Variants in PABPC1 observed in about 807,000 individuals in gnomAD.
The protein encoded by PABPC1 is polyadenylate-binding protein 1.
PABPC1 carries 4 observed loss-of-function variants against 74.0 expected under a neutral mutation model. The ratio of observed to expected loss-of-function variants is 0.05; its 90% confidence interval spans 0.03 to 0.12. PABPC1 has a LOEUF of 0.12. Among genes scored for constraint, PABPC1 ranks in the 10% least tolerant of loss-of-function variants. The pLI, the probability that PABPC1 is intolerant of heterozygous loss-of-function variation, is 1.00. For missense variants in PABPC1, 271 were observed against 821.1 expected (o/e 0.33, Z 8.19); for synonymous variants, 227 against 264.1 (o/e 0.86, Z 1.36).
At chr8:100,717,159 C>T (rs1012720578) in intron 3 of PABPC1, among the ~76,000 whole-genome samples, 15 of 152,090 alleles carry the variant, frequency 9.9e-5, no homozygotes, top group South Asian at 4.2e-4. Context: ...TACAGGCATG[C>T]GCCACCATGC....
At position 100,721,847 on chromosome 8, in the gene PABPC1, G is replaced by A. The variant is rs1810842708; in HGVS notation, c.-264C>T. The A allele has an allele frequency of 2.8e-6, 1 of 357,728 alleles. No homozygotes were observed. Among genetic ancestry groups the A allele is most frequent in the East Asian group, 4.1e-5 (1 of 24,156 alleles). 22.2% of individuals were successfully genotyped at this position (357,728 alleles called of 1,614,324 possible). A position where few individuals can be genotyped will look rare whatever the true frequency, so the allele number is the denominator to read the frequency against. ...GGCCTCGGTCTCTTGGTTCCTTCTT[G>A]GAGCTGCTGCGGGGCCGCGGGCGGG... On this transcript the variant is annotated 5_prime_UTR_variant, in exon 1 of 15. Transcript: ENST00000318607. This position sits in a 1 kb window ranked among gnomAD's most constrained non-coding sequence, Gnocchi z 7.4.
intron 13 of PABPC1, among the ~76,000 whole-genome samples, 198 bp from the exon 14 acceptor site, chr8:100,704,588 G>C (rs1810332817): frequency 6.6e-6 from 1 of 152,148 alleles, no homozygotes; most frequent in Non-Finnish European, 1.5e-5. Flanking sequence ...TCGCTCCCCT[G>C]CACTACTCTT....
intron 5 of PABPC1, 21 bp from the exon 6 acceptor site, chr8:100,712,810 A>AAG: frequency 1.9e-6 from 3 of 1,540,122 alleles, no homozygotes; most frequent in Non-Finnish European, 2.6e-6. Flanking sequence ...AAAAAAAAGA[A>AAG]AAAAAAAAAA....
In PABPC1 at chr8:100,715,752, A is replaced by T. The variant is rs554357471; in HGVS notation, c.504-151T>A. Reference sequence around the variant, plus strand: ...CAAAATAGAAATAGGGCCATAATTTAAGATATGACACCATGAAATATATGA... The same window carrying T: ...CAAAATAGAAATAGGGCCATAATTTTAGATATGACACCATGAAATATATGA... On this transcript the variant is annotated intron_variant, in intron 3 of 14. Coordinates refer to ENST00000318607, the MANE Select transcript of PABPC1 (RefSeq NM_002568.4). 1.3e-5 allele frequency: 7 copies of T among 528,068 alleles called. No individual in the cohort carries two copies. The East Asian group carries it at 2.0e-4, about 15-fold the overall frequency. The allele number at this position is 528,068 out of a possible 1,614,324, so 32.7% of individuals were successfully genotyped here.
At position 100,712,588 on chromosome 8, in the gene PABPC1, G is replaced by A. The variant is rs3737370; in HGVS notation, c.876+64C>T. On this transcript the variant is annotated intron_variant, in intron 6 of 14. Coordinates refer to ENST00000318607, the MANE Select transcript of PABPC1 (RefSeq NM_002568.4). ...ACCCTCCAGCTACCTGGAAGTAACT[G>A]AAATCAACGTAAAATAGGTTTCCTC... is the stretch of plus-strand genomic sequence containing the variant. The A allele has an allele frequency of 3.0e-3, 4,633 of 1,561,192 alleles. 185 individuals are homozygous for A. The East Asian group carries it at 0.093, about 31-fold the overall frequency.
intron 9 of PABPC1, among the ~76,000 whole-genome samples, chr8:100,708,304 A>C (rs1051121299): frequency 6.6e-6 from 1 of 152,172 alleles, no homozygotes; most frequent in Admixed American, 6.5e-5. Flanking sequence ...AAAATTTAAA[A>C]AATTAGCTGG....
intron 4 of PABPC1, 49 bp downstream of exon 4, chr8:100,715,413 A>G: frequency 6.7e-7 from 1 of 1,487,968 alleles, no homozygotes; most frequent in Non-Finnish European, 9.1e-7. Context: ...ATTAACACTG[A>G]GCACTAATTC....
At position 100,712,709 on chromosome 8, in the gene PABPC1, C is replaced by A; in HGVS notation, c.819G>T (p.Gln273His). 2 of 1,546,760 alleles carry A rather than the reference C, an allele frequency of 1.3e-6. No homozygotes were observed. The highest frequency in any genetic ancestry group is 1.8e-6 in the Non-Finnish European group (2 of 1,142,042). Residue 273 changes from glutamine (Q) to histidine (H), a missense_variant, in exon 6 of 15, where the codon CAG becomes CAT. Physicochemically the swap from Gln to His is conservative, Grantham distance 24. Transcript: ENST00000318607. Reference protein sequence around the residue: ...VGRAQKKVERQTELKRKFEQM... With the variant: ...VGRAQKKVERHTELKRKFEQM... ...GTTCAAATTTGCGCTTAAGTTCCGT[C>A]TGCCGTTCCACCTTTTTCTGAGCTC...
intron 7 of PABPC1, 87 bp downstream of exon 7, chr8:100,712,264 CCTCTCTAGTGG>C: frequency 1.5e-6 from 1 of 676,596 alleles, no homozygotes; most frequent in Non-Finnish European, 2.5e-6. Flanking sequence ...GAAGCAAACA[CCTCTCTAGTGG>C]CTATAATAAT....
At chr8:100,703,422 C>T (rs1286521210) in intron 14 of PABPC1, 63 bp from the exon 15 acceptor site, 1 of 152,368 alleles carries the variant, frequency 6.6e-6, no homozygotes, top group African/African-American at 2.4e-5. Flanking sequence ...AAATTAAAGC[C>T]CTTAGCCAAA....
rs1285781662 is a variant in PABPC1 at position 100,721,794 on chromosome 8, TG to T, written c.-212del. ...GCCGGCTGCCGGCGGGGAGCGAGGGTGGCGGTGTCGGGTCCGGGCAGCGGGA... is the reference window on the plus strand; with the variant it reads ...GCCGGCTGCCGGCGGGGAGCGAGGGTGCGGTGTCGGGTCCGGGCAGCGGGA... On this transcript the variant is annotated 5_prime_UTR_variant, in exon 1 of 15. Transcript: ENST00000318607. The surrounding 1 kb of genome is among the most constrained non-coding windows in gnomAD (Gnocchi z 7.4). 1 of 430,532 alleles carries T rather than the reference TG, an allele frequency of 2.3e-6. No homozygotes were observed. Among genetic ancestry groups the T allele is most frequent in the African/African-American group, 2.1e-5 (1 of 48,718 alleles). 26.7% of individuals were successfully genotyped at this position (430,532 alleles called of 1,614,324 possible).
chr8:100,708,489 C>T (rs1250906828), intron 9 of PABPC1, among the ~76,000 whole-genome samples: 1 of 152,080 alleles, frequency 6.6e-6, no homozygotes, highest in Non-Finnish European at 1.5e-5. Flanking sequence ...TGGAATATAA[C>T]ATACTGTTCC....
intron 9 of PABPC1, among the ~76,000 whole-genome samples, chr8:100,708,100 T>C (rs1417292834): frequency 2.6e-5 from 4 of 152,262 alleles, no homozygotes; most frequent in African/African-American, 9.6e-5. Flanking sequence ...TATATAATCA[T>C]ATCTAAGATC....
intron 4 of PABPC1, among the ~76,000 whole-genome samples, chr8:100,714,439 T>C (rs1020842992): frequency 1.3e-4 from 20 of 152,116 alleles, no homozygotes; most frequent in Admixed American, 2.0e-4. Context: ...AGTAAGATAT[T>C]AGATTTCCTG....
intron 8 of PABPC1, 98 bp downstream of exon 8, chr8:100,709,361 T>C (rs1810469532): frequency 6.7e-6 from 10 of 1,497,972 alleles, no homozygotes; most frequent in Admixed American, 1.7e-5. Context: ...AATTCCCCTT[T>C]CTTAATGTTT....
intron 3 of PABPC1, among the ~76,000 whole-genome samples, chr8:100,715,962 G>A (rs895318828): frequency 2.6e-5 from 4 of 152,198 alleles, no homozygotes; most frequent in African/African-American, 2.4e-5. Context: ...TTAAAGTGGC[G>A]CTTGCGCTTT....
chr8:100,709,712 C>T lies in PABPC1; in HGVS notation c.992G>A (p.Arg331His), dbSNP rs764258600. 1.2e-6 allele frequency: 2 copies of T among 1,612,624 alleles called. No individual in the cohort carries two copies. Among genetic ancestry groups the T allele is most frequent in the Non-Finnish European group, 1.7e-6 (2 of 1,179,114 alleles). The change falls in exon 8 of 15, where the codon CGC (arginine) becomes CAC (histidine). Residue 331 changes from arginine to histidine, a missense_variant. Arg to His is a conservative substitution (Grantham distance 29). Coordinates refer to ENST00000318607, the MANE Select transcript of PABPC1 (RefSeq NM_002568.4). ...TSAKVMMEGGRSKGFGFVCFS... is the reference protein window; with the variant it reads ...TSAKVMMEGGHSKGFGFVCFS... ...ACATACAAAACCAAACCCTTTGCTG[C>T]GACCACCCTCCATCATAACCTATTA...
In PABPC1 at chr8:100,721,998, GA is replaced by G. The variant is rs1460952284; in HGVS notation, c.-416del. 3 of 160,594 alleles carry G rather than the reference GA, an allele frequency of 1.9e-5. No homozygotes were observed. The highest frequency in any genetic ancestry group is 1.8e-4 in the East Asian group (1 of 5,692). 9.9% of individuals were successfully genotyped at this position (160,594 alleles called of 1,614,324 possible). A position where few individuals can be genotyped will look rare whatever the true frequency, so the allele number is the denominator to read the frequency against. On this transcript the variant is annotated 5_prime_UTR_variant, in exon 1 of 15. Transcript: ENST00000318607. This position sits in a 1 kb window ranked among gnomAD's most constrained non-coding sequence, Gnocchi z 7.4. ...TGGGGTTTTTTAAAAGATTTTTTTA[GA>G]TTTTTTTTGGATTTTTTAATAATAA...
intron 9 of PABPC1, among the ~76,000 whole-genome samples, chr8:100,708,469 T>C (rs1810440404): frequency 6.6e-6 from 1 of 152,058 alleles, no homozygotes; most frequent in African/African-American, 2.4e-5. Context: ...AAATAAACTC[T>C]AAGTGCTCTT....
Sources: allele counts gnomAD v4.1 joint callset (sites outside exome capture counted in the v4.1 genomes callset), GRCh38; gene constraint gnomAD v4.1.1; non-coding constraint Gnocchi (gnomAD v3.1); transcripts MANE v1.5; gene names NCBI Gene and HGNC (gene_info 2026-07-23, HGNC 2026-07-21).